Variants in CMYA5 observed in about 807,000 individuals in gnomAD.
The protein encoded by CMYA5 is cardiomyopathy-associated protein 5.
In CMYA5, 246 loss-of-function variants were observed where a neutral mutation model predicts 318.9. The observed-to-expected ratio is 0.77, with a 90% confidence interval of 0.70 to 0.86. CMYA5 has a LOEUF of 0.86. Among genes scored for constraint, CMYA5 ranks in the 40% least tolerant of loss-of-function variants. The pLI, the probability that CMYA5 is intolerant of heterozygous loss-of-function variation, is 0.00. For missense variants in CMYA5, 4,589 were observed against 4,678.2 expected, an observed-to-expected ratio of 0.98 and a Z score of 0.56; for synonymous variants, 1,641 against 1,729.5, an observed-to-expected ratio of 0.95 and a Z score of 1.27.
chr5:79,730,357 T>C lies in CMYA5; in HGVS notation c.1592T>C (p.Ile531Thr), dbSNP rs1350216436. 6.2e-7 allele frequency: 1 copy of C among 1,613,828 alleles called. No homozygotes were observed. The highest frequency in any genetic ancestry group is 8.5e-7 in the Non-Finnish European group (1 of 1,179,838). The change falls in exon 2 of 13, where the codon ATC becomes ACC. Residue 531 changes from isoleucine (I) to threonine (T), a missense_variant. Physicochemically the swap from Ile to Thr is moderately conservative, Grantham distance 89 (BLOSUM62 -1). Coordinates refer to ENST00000446378, the MANE Select transcript of CMYA5 (RefSeq NM_153610.5). ...PEDSNLVEEE[I>T]VELDYPESPL... is the part of the protein sequence containing the mutation. ...GATTCTAATTTAGTAGAAGAAGAGA[T>C]CGTAGAACTTGATTACCCAGAAAGC...
intron 9 of CMYA5, among the ~76,000 whole-genome samples, chr5:79,787,712 C>T (rs542381827): frequency 2.0e-4 from 31 of 152,346 alleles, no homozygotes; most frequent in Non-Finnish European, 3.8e-4. Context: ...TCCAGGGTGT[C>T]CCCTTACCCC....
intron 5 of CMYA5, among the ~76,000 whole-genome samples, chr5:79,750,762 A>G (rs1032885156): frequency 6.6e-6 from 1 of 152,184 alleles, no homozygotes; most frequent in African/African-American, 2.4e-5. Flanking sequence ...TATAATAATG[A>G]AAGGAGTTGC....
Position 79,730,980 on chromosome 5 carries a change from A to T in CMYA5, c.2215A>T (p.Thr739Ser). 6.2e-7 allele frequency: 1 copy of T among 1,613,720 alleles called. No individual in the cohort carries two copies. The highest frequency in any genetic ancestry group is 8.5e-7 in the Non-Finnish European group (1 of 1,179,836). ...YMIPSEEKED[T>S]GSFTPAVAPA... is the part of the protein sequence containing the mutation. ...GATTCCATCAGAAGAGAAGGAAGACACTGGATCGTTTACTCCAGCTGTGGC... is the reference window on the plus strand; with the variant it reads ...GATTCCATCAGAAGAGAAGGAAGACTCTGGATCGTTTACTCCAGCTGTGGC... The change falls in exon 2 of 13, where the codon ACT becomes TCT. Residue 739 changes from threonine (T) to serine (S), a missense_variant. Thr to Ser is a moderately conservative substitution (Grantham distance 58). Transcript: ENST00000446378.
At chr5:79,739,956 C>G (rs554991959) in intron 2 of CMYA5, among the ~76,000 whole-genome samples, 6 of 151,900 alleles carry the variant, frequency 3.9e-5, no homozygotes, top group African/African-American at 1.4e-4. Flanking sequence ...GCACTCCACT[C>G]TAGGTGACAG....
chr5:79,785,632 C>T (rs554463932), intron 9 of CMYA5, among the ~76,000 whole-genome samples: 8 of 152,084 alleles, frequency 5.3e-5, no homozygotes, highest in African/African-American at 1.7e-4. Flanking sequence ...ATCTAGCCAT[C>T]TTACTGAATT....
intron 1 of CMYA5, among the ~76,000 whole-genome samples, chr5:79,697,613 A>G (rs111978869): frequency 3.2e-4 from 48 of 152,280 alleles, no homozygotes; most frequent in African/African-American, 1.1e-3. Flanking sequence ...ATATTGAGTA[A>G]TTTACCTAAT....
chr5:79,735,183 G>A lies in CMYA5; in HGVS notation c.6418G>A (p.Ala2140Thr). 1 of 1,613,692 alleles carries A rather than the reference G, an allele frequency of 6.2e-7. No homozygotes were observed. Among genetic ancestry groups the A allele is most frequent in the Non-Finnish European group, 8.5e-7 (1 of 1,179,768 alleles). The change falls in exon 2 of 13, where the codon GCA becomes ACA. Residue 2140 changes from alanine (A) to threonine (T), a missense_variant. Coordinates refer to ENST00000446378, the MANE Select transcript of CMYA5 (RefSeq NM_153610.5). ...AAGAAAACCCATCTCCTCAATCCAT[G>A]CAAGAGAGCCTCAATCCCCAGAGTC... ...TQRKPISSIH[A>T]REPQSPESPE...
intron 5 of CMYA5, among the ~76,000 whole-genome samples, chr5:79,752,123 C>T (rs1463298984): frequency 1.3e-5 from 2 of 152,154 alleles, no homozygotes; most frequent in Admixed American, 6.5e-5. Flanking sequence ...TAGTCTTTTA[C>T]GAATGATAGG....
rs61730049 is a variant in CMYA5, at chr5:79,793,469, C to T, written c.11822C>T (p.Ser3941Phe). 1.9e-4 allele frequency: 312 copies of T among 1,613,642 alleles called. 3 individuals carry two copies. In the African/African-American group the frequency reaches 3.6e-3, roughly 19 times the overall value. The change falls in exon 12 of 13, where the codon TCC becomes TTC. Residue 3941 changes from serine (S) to phenylalanine (F), a missense_variant. Coordinates refer to ENST00000446378, the MANE Select transcript of CMYA5 (RefSeq NM_153610.5). Reference protein sequence around the residue: ...IPSVLGEELPSCGQHYWETTV... With the variant: ...IPSVLGEELPFCGQHYWETTV... ...TCAGTGCTGGGTGAGGAGCTGCCTTCCTGTGGCCAGCATTACTGGGAAACC... is the reference window on the plus strand; with the variant it reads ...TCAGTGCTGGGTGAGGAGCTGCCTTTCTGTGGCCAGCATTACTGGGAAACC...
At chr5:79,777,817 T>C (rs1332132201) in intron 9 of CMYA5, among the ~76,000 whole-genome samples, 2 of 151,988 alleles carry the variant, frequency 1.3e-5, no homozygotes, top group Non-Finnish European at 2.9e-5. Flanking sequence ...AGTTTTATTT[T>C]ATTGTTTTAA....
intron 1 of CMYA5, among the ~76,000 whole-genome samples, chr5:79,727,476 A>G (rs1281321044): frequency 6.6e-6 from 1 of 152,164 alleles, no homozygotes; most frequent in South Asian, 2.1e-4. Flanking sequence ...TTTTTTTTCA[A>G]TTGTCTTAAT....
chr5:79,785,703 T>A (rs1829071296), intron 9 of CMYA5, among the ~76,000 whole-genome samples: 1 of 152,174 alleles, frequency 6.6e-6, no homozygotes, highest in Non-Finnish European at 1.5e-5. Context: ...AATGGTCCCA[T>A]CATCTGCAAA....
At position 79,745,261 on chromosome 5, in the gene CMYA5, A is replaced by G. The variant is rs1828296776; in HGVS notation, c.10774A>G (p.Asn3592Asp). 6.2e-7 allele frequency: 1 copy of G among 1,605,526 alleles called. No individual in the cohort carries two copies. The highest frequency in any genetic ancestry group is 1.3e-5 in the African/African-American group (1 of 74,764). ...SKNEKRLEEQ[N>D]EEMMKKVLAQ... The stretch of plus-strand genomic sequence containing the variant: ...AAATGAGAAAAGGCTAGAAGAACAG[A>G]ATGAGGAAATGATGAAGAAGGTTTT... The change falls in exon 4 of 13, where the codon AAT (asparagine) becomes GAT (aspartate). Residue 3592 changes from asparagine (N) to aspartate (D), a missense_variant. Physicochemically the swap from Asn to Asp is conservative, Grantham distance 23 (BLOSUM62 1). Coordinates refer to ENST00000446378, the MANE Select transcript of CMYA5 (RefSeq NM_153610.5).
At chr5:79,748,410 C>T (rs1828367350) in intron 5 of CMYA5, among the ~76,000 whole-genome samples, 1 of 152,162 alleles carries the variant, frequency 6.6e-6, no homozygotes, top group Non-Finnish European at 1.5e-5. Context: ...TGAGACCAGG[C>T]ATCTGCTTGT....
At position 79,736,650 on chromosome 5, in the gene CMYA5, G is replaced by A. The variant is rs376683432; in HGVS notation, c.7885G>A (p.Val2629Met). 60 of 1,613,606 alleles carry A rather than the reference G, an allele frequency of 3.7e-5. No individual in the cohort carries two copies. Among genetic ancestry groups the A allele is most frequent in the Non-Finnish European group, 5.0e-5 (59 of 1,179,802 alleles). Residue 2629 changes from valine to methionine, a missense_variant, in exon 2 of 13, where the codon GTG becomes ATG. By Grantham distance (21) the Val-to-Met change is conservative. This residue lies in a region of CMYA5 where 2,431 missense variants were observed against 2,495.1 expected (regional missense o/e 0.97). Coordinates refer to ENST00000446378, the MANE Select transcript of CMYA5 (RefSeq NM_153610.5). ...PHPLEESKVL[V>M]EKTKTFLPVA... ...TCCTTTAGAAGAAAGTAAAGTTTTG[G>A]TGGAGAAAACCAAGACTTTCCTGCC...
At chr5:79,765,331 C>T (rs977312641) in intron 9 of CMYA5, among the ~76,000 whole-genome samples, 3 of 152,126 alleles carry the variant, frequency 2.0e-5, no homozygotes, top group African/African-American at 7.2e-5. Flanking sequence ...GGCCTCTGTT[C>T]TGTTTTATTG....
intron 1 of CMYA5, among the ~76,000 whole-genome samples, chr5:79,713,297 GCCCCCA>G (rs112506260): frequency 0.15 from 3,704 of 24,254 alleles, 101 homozygotes; most frequent in African/African-American, 0.22. Context: ...GCTGCACCCC[GCCCCCA>G]CCCCCCACCC....
chr5:79,791,941 C>T (rs1011144115), intron 11 of CMYA5, among the ~76,000 whole-genome samples: 11 of 152,096 alleles, frequency 7.2e-5, no homozygotes, highest in African/African-American at 2.7e-4. Flanking sequence ...GTATGTGAAA[C>T]TCTTGAAAAC....
Position 79,764,946 on chromosome 5 carries a change from C to T in CMYA5, c.11555+1737C>T, listed in dbSNP as rs1828721746. Reference sequence around the variant, plus strand: ...TCTCCCATTCTGTAGGTTGCCTGTTCACTCTGATGATAGTTTCTTTTGCTG... The same window carrying T: ...TCTCCCATTCTGTAGGTTGCCTGTTTACTCTGATGATAGTTTCTTTTGCTG... On this transcript the variant is annotated intron_variant, in intron 9 of 12. Transcript: ENST00000446378. 2.0e-5 allele frequency among the ~76,000 whole-genome samples: 3 copies of T among 152,196 alleles called. No homozygotes were observed. The South Asian group carries it at 6.2e-4, about 32-fold the overall frequency.
Sources: gnomAD v4.1 joint callset for allele counts (sites outside exome capture counted in the v4.1 genomes callset) on GRCh38, gnomAD v4.1.1 for gene constraint, gnomAD v4.1.1 regional missense constraint, MANE v1.5 for transcripts, NCBI Gene and HGNC (gene_info 2026-07-23, HGNC 2026-07-21) for gene names.